Variants in MARCHF1 observed in about 807,000 individuals in gnomAD.
The protein encoded by MARCHF1 is membrane associated ring-CH-type finger 1, also known as E3 ubiquitin-protein ligase MARCHF1.
MARCHF1 carries 40 observed loss-of-function variants against 54.2 expected under a neutral mutation model. The ratio of observed to expected loss-of-function variants is 0.74; its 90% CI spans 0.57 to 0.96. MARCHF1 has a LOEUF of 0.96. MARCHF1 is among the 40% of genes least tolerant of loss of function. The pLI is 0.00. For missense variants in MARCHF1, 586 were observed against 656.5 expected (o/e 0.89, Z 1.17); for synonymous variants, 236 against 236.3 (o/e 1.00, Z 0.01).
rs116788162 is a variant in MARCHF1 at position 164,084,220 on chromosome 4, G to T, written c.-248+27368C>A. ...CTCCTATCAAATTTTTTATAATAAA[G>T]AATTTCTCTCTTAAGAATGATGAAT... On this transcript the variant is annotated intron_variant, in intron 2 of 9. Transcript: ENST00000514618. Among the ~76,000 whole-genome samples the T allele has an allele frequency of 9.3e-3, 1,408 of 151,958 alleles. 18 individuals carry two copies. The highest frequency in any genetic ancestry group is 0.05 in the East Asian group (259 of 5,176).
chr4:164,159,713 A>G (rs1254400696), intron 1 of MARCHF1, among the ~76,000 whole-genome samples: 1 of 152,196 alleles, frequency 6.6e-6, no homozygotes, highest in Non-Finnish European at 1.5e-5. Context: ...TAAAGGAAAT[A>G]TTTATGAAGC....
intron 1 of MARCHF1, among the ~76,000 whole-genome samples, chr4:164,378,151 T>C (rs548439843): frequency 2.6e-5 from 4 of 152,278 alleles, no homozygotes; most frequent in Admixed American, 2.0e-4. Context: ...CTTTTCACAA[T>C]ATGTTTTTTC....
Position 164,278,297 on chromosome 4 carries a change from A to G in MARCHF1, c.-323+105573T>C, listed in dbSNP as rs143867296. Among the ~76,000 whole-genome samples the G allele has an allele frequency of 7.9e-4, 120 of 152,330 alleles. 1 individual carries two copies. In the East Asian group the frequency reaches 0.017, roughly 22 times the overall value. On this transcript the variant is annotated intron_variant, in intron 1 of 9. Coordinates refer to ENST00000514618, the MANE Select transcript of MARCHF1 (RefSeq NM_001394959.1). ...TGCACTCAAGCCTGGGTAATAGAGT[A>G]AGACCCTGTCTCAAAAACAAAAGAA...
intron 1 of MARCHF1, among the ~76,000 whole-genome samples, chr4:164,371,734 C>T (rs902523959): frequency 1.3e-5 from 2 of 152,106 alleles, no homozygotes; most frequent in Non-Finnish European, 2.9e-5. Context: ...ACATTGCTGA[C>T]GGACATGTAA....
chr4:163,913,998 T>G (rs55719130), intron 3 of MARCHF1, among the ~76,000 whole-genome samples: 8 of 85,788 alleles, frequency 9.3e-5, no homozygotes, highest in South Asian at 4.1e-4. Flanking sequence ...TCTATTCTTT[T>G]TTTTTTTTCT....
At chr4:164,164,301 G>T (rs1423152879) in intron 1 of MARCHF1, among the ~76,000 whole-genome samples, 1 of 151,792 alleles carries the variant, frequency 6.6e-6, no homozygotes. Context: ...AAAAGTTAGT[G>T]CTTTGAAAAT....
chr4:163,609,679 T>C (rs577453295), intron 7 of MARCHF1, among the ~76,000 whole-genome samples: 13 of 150,724 alleles, frequency 8.6e-5, no homozygotes, highest in East Asian at 1.9e-4. Context: ...TACACACACA[T>C]ATATATATAT....
At chr4:163,673,067 CAT>C (rs1330038095) in intron 5 of MARCHF1, among the ~76,000 whole-genome samples, 1 of 152,180 alleles carries the variant, frequency 6.6e-6, no homozygotes, top group African/African-American at 2.4e-5. Flanking sequence ...TGGAAGGCAA[CAT>C]AGTCAAAGGT....
At chr4:163,925,970 GT>G (rs932655248) in intron 3 of MARCHF1, among the ~76,000 whole-genome samples, 1 of 151,394 alleles carries the variant, frequency 6.6e-6, no homozygotes, top group African/African-American at 2.4e-5. Flanking sequence ...TGAGGTTTTT[GT>G]TTTTTACTTT....
intron 4 of MARCHF1, among the ~76,000 whole-genome samples, chr4:163,815,763 A>G (rs1242722742): frequency 6.6e-6 from 1 of 152,214 alleles, no homozygotes; most frequent in Non-Finnish European, 1.5e-5. Context: ...ATAAGATACC[A>G]GAATATTGTA....
chr4:163,852,422 T>C lies in MARCHF1; in HGVS notation c.111+1599A>G, dbSNP rs138427671. 5.8e-3 allele frequency among the ~76,000 whole-genome samples: 886 copies of C among 152,302 alleles called. 7 individuals are homozygous for C. The highest frequency in any genetic ancestry group is 0.026 in the South Asian group (128 of 4,832). On this transcript the variant is annotated intron_variant, in intron 4 of 9. Coordinates refer to ENST00000514618, the MANE Select transcript of MARCHF1 (RefSeq NM_001394959.1). Reference sequence around the variant, plus strand: ...TAATTTTTTCTTACTTAAAAATGCTTGGTTATAGTATGATACCTGACAAAG... The same window carrying C: ...TAATTTTTTCTTACTTAAAAATGCTCGGTTATAGTATGATACCTGACAAAG...
intron 5 of MARCHF1, among the ~76,000 whole-genome samples, chr4:163,695,792 C>G (rs926680731): frequency 2.0e-4 from 31 of 152,076 alleles, no homozygotes; most frequent in African/African-American, 7.5e-4. Flanking sequence ...ACATATTACA[C>G]TGTTGCTAGT....
At chr4:163,885,984 T>C (rs894862561) in intron 3 of MARCHF1, among the ~76,000 whole-genome samples, 4 of 146,546 alleles carry the variant, frequency 2.7e-5, no homozygotes, top group Non-Finnish European at 6.0e-5. Flanking sequence ...TATATAAAGA[T>C]AAATAGATAC....
intron 3 of MARCHF1, among the ~76,000 whole-genome samples, chr4:163,977,022 C>T (rs1010687871): frequency 1.3e-5 from 2 of 151,948 alleles, no homozygotes; most frequent in Middle Eastern, 3.2e-3. Flanking sequence ...GAAATAGCAA[C>T]TGAAATACCA....
chr4:164,357,121 A>G (rs201424611), intron 1 of MARCHF1, among the ~76,000 whole-genome samples: 1 of 32,882 alleles, frequency 3.0e-5, no homozygotes, highest in South Asian at 1.1e-3. Context: ...TTTTTTAAGA[A>G]AAAAAAAAAT....
At chr4:164,372,992 T>C (rs1444775846) in intron 1 of MARCHF1, among the ~76,000 whole-genome samples, 1 of 152,190 alleles carries the variant, frequency 6.6e-6, no homozygotes, top group Non-Finnish European at 1.5e-5. Context: ...AACTAAAATC[T>C]TAAAATGTAT....
chr4:164,025,672 AAAC>A (rs150984242), intron 2 of MARCHF1, among the ~76,000 whole-genome samples: 2,095 of 151,968 alleles, frequency 0.014, 42 homozygotes, highest in African/African-American at 0.044. Flanking sequence ...ACTAGAAAAA[AAAC>A]AACAAACCAG....
At chr4:163,782,050 C>A (rs1231041270) in intron 4 of MARCHF1, among the ~76,000 whole-genome samples, 1 of 151,998 alleles carries the variant, frequency 6.6e-6, no homozygotes, top group Non-Finnish European at 1.5e-5. Context: ...TAAGATCAAA[C>A]CACTATCAGT....
At chr4:163,724,591 T>C (rs944380581) in intron 4 of MARCHF1, among the ~76,000 whole-genome samples, 5 of 152,224 alleles carry the variant, frequency 3.3e-5, no homozygotes, top group African/African-American at 4.8e-5. Flanking sequence ...TGTTTGGCTA[T>C]GCCCTGCCCC....
Sources: allele counts gnomAD v4.1 joint callset (sites outside exome capture counted in the v4.1 genomes callset), GRCh38; gene constraint gnomAD v4.1.1; transcripts MANE v1.5; gene names NCBI Gene and HGNC (gene_info 2026-07-23, HGNC 2026-07-21).